The following OTUD7B variants were observed in gnomAD, a reference collection of about 807,000 sequenced individuals.
OTUD7B encodes the protein OTU domain-containing protein 7B.
OTUD7B carries 34 observed loss-of-function variants against 82.2 expected under a neutral mutation model. That is an observed-to-expected ratio of 0.41 (90% CI 0.31 to 0.55). The LOEUF is 0.55. Among genes scored for constraint, OTUD7B ranks in the 20% least tolerant of loss-of-function variants. OTUD7B has a pLI of 0.20. For synonymous variants in OTUD7B, 398 were observed against 402.7 expected (o/e 0.99, Z 0.14); for missense variants, 944 against 1,062.1 (o/e 0.89, Z 1.55).
At chr1:149,992,478 T>TG (rs1651648950) in intron 1 of OTUD7B, among the ~76,000 whole-genome samples, 47 of 1,698 alleles carry the variant, frequency 0.028, 3 homozygotes, top group Non-Finnish European at 0.2. Context: ...TTTTTTTTTT[T>TG]TTTTTTTTTT....
chr1:149,941,867 G>T lies in OTUD7B; in HGVS notation c.*1990C>A, dbSNP rs933659713. ...TAGGGGAGTGCTCATCTCATACCAG[G>T]TTCCAGACCTGCCTAGACATATACA... On this transcript the variant is annotated 3_prime_UTR_variant, in exon 12 of 12. Transcript: ENST00000581312. 2 of 151,980 alleles carry T rather than the reference G, an allele frequency of 1.3e-5. No individual in the cohort carries two copies. Among genetic ancestry groups the T allele is most frequent in the Admixed American group, 6.6e-5 (1 of 15,248 alleles). The allele number at this position is 151,980 out of a possible 1,614,324, so 9.4% of individuals were successfully genotyped here. A position where few individuals can be genotyped will look rare whatever the true frequency, so the allele number is the denominator to read the frequency against.
chr1:149,968,210 G>A (rs970693205), intron 3 of OTUD7B, among the ~76,000 whole-genome samples: 1 of 142,796 alleles, frequency 7.0e-6, no homozygotes, highest in Non-Finnish European at 1.5e-5. Flanking sequence ...GCTGCAGTGA[G>A]CCAAGATTGT....
In OTUD7B at chr1:150,007,739, G is replaced by A. The variant is rs74126210; in HGVS notation, c.-67+2709C>T. On this transcript the variant is annotated intron_variant, in intron 1 of 11. Transcript: ENST00000581312. ...ATATTAAAAAGTCAACTGAATTCAG[G>A]CATTCATGAGAAAAACTGCCCTGTA... is the stretch of plus-strand genomic sequence containing the variant. 7.5e-3 allele frequency among the ~76,000 whole-genome samples: 1,146 copies of A among 152,194 alleles called. 16 individuals carry two copies. The highest frequency in any genetic ancestry group is 0.026 in the African/African-American group (1,098 of 41,516).
chr1:149,947,298 G>A lies in OTUD7B; in HGVS notation c.1276C>T (p.His426Tyr). The A allele has an allele frequency of 6.2e-7, 1 of 1,610,464 alleles. No homozygotes were observed. The highest frequency in any genetic ancestry group is 8.5e-7 in the Non-Finnish European group (1 of 1,176,808). The change falls in exon 11 of 12, where the codon CAT (histidine) becomes TAT (tyrosine). Residue 426 changes from histidine (H) to tyrosine (Y), a missense_variant. Transcript: ENST00000581312. ...LSLEVKLHLLHSYMNVKWIPL... is the reference protein window; with the variant it reads ...LSLEVKLHLLYSYMNVKWIPL... ...ATCCACTTCACATTCATGTAGCTATGCAGCAGATGCAATTTGACCTCTAGG... is the reference window on the plus strand; with the variant it reads ...ATCCACTTCACATTCATGTAGCTATACAGCAGATGCAATTTGACCTCTAGG...
the OTUD7B span, among the ~76,000 whole-genome samples, chr1:150,042,754 C>T: frequency 1.3e-5 from 2 of 152,024 alleles, no homozygotes; most frequent in Admixed American, 6.6e-5. Context: ...ATCTTTCCCA[C>T]CACTAAGGCC....
At chr1:150,032,399 G>A in the OTUD7B span, among the ~76,000 whole-genome samples, 1 of 149,728 alleles carries the variant, frequency 6.7e-6, no homozygotes, top group Admixed American at 6.7e-5. Flanking sequence ...CGGCTAAATT[G>A]GGAGGACTGC....
intron 2 of OTUD7B, among the ~76,000 whole-genome samples, chr1:149,973,275 T>G (rs1553777935): frequency 1.3e-5 from 2 of 152,186 alleles, no homozygotes. Context: ...AACAGTCCCA[T>G]TAGCCAGGTG....
chr1:149,957,476 G>A (rs1480866348), intron 7 of OTUD7B, among the ~76,000 whole-genome samples: 3 of 148,320 alleles, frequency 2.0e-5, no homozygotes, highest in Middle Eastern at 3.5e-3. Flanking sequence ...TAGGCTACTC[G>A]GGGGTCAGGG....
chr1:150,038,105 C>T, the OTUD7B span, among the ~76,000 whole-genome samples: 3 of 151,256 alleles, frequency 2.0e-5, no homozygotes, highest in African/African-American at 7.3e-5. Context: ...GCAGTCCACC[C>T]GCCTCAGCCT....
At chr1:150,064,468 C>A in the OTUD7B span, among the ~76,000 whole-genome samples, 6 of 151,980 alleles carry the variant, frequency 3.9e-5, no homozygotes, top group African/African-American at 1.5e-4. Flanking sequence ...ATTTCCAGGG[C>A]TCAAGCAATC....
chr1:149,961,661 C>T (rs1649174043), intron 6 of OTUD7B: 1 of 152,226 alleles, frequency 6.6e-6, no homozygotes, highest in Non-Finnish European at 1.5e-5. Flanking sequence ...CCAGCATTAA[C>T]TGCTATAGAG....
the OTUD7B span, among the ~76,000 whole-genome samples, chr1:150,047,300 C>A: frequency 2.6e-5 from 4 of 152,128 alleles, no homozygotes; most frequent in Non-Finnish European, 5.9e-5. Flanking sequence ...GCTCAATGTT[C>A]ATTTTTCAGC....
chr1:150,059,096 C>A, the OTUD7B span, among the ~76,000 whole-genome samples: 4 of 146,534 alleles, frequency 2.7e-5, no homozygotes, highest in Non-Finnish European at 4.5e-5. Context: ...CTCTCTTGGC[C>A]AGGCTGGAGT....
At chr1:150,032,258 G>A in the OTUD7B span, among the ~76,000 whole-genome samples, 1 of 150,448 alleles carries the variant, frequency 6.6e-6, no homozygotes, top group East Asian at 2.0e-4. Flanking sequence ...GTTGCAGTGA[G>A]CCGAAATCCC....
upstream of OTUD7B, among the ~76,000 whole-genome samples, chr1:150,013,178 A>G (rs1653150803): frequency 6.6e-6 from 1 of 152,148 alleles, no homozygotes; most frequent in South Asian, 2.1e-4. Context: ...AGGGCCACAC[A>G]CCCTCAACTG....
chr1:149,993,232 A>G (rs1463573757), intron 1 of OTUD7B, among the ~76,000 whole-genome samples: 1 of 152,218 alleles, frequency 6.6e-6, no homozygotes. Flanking sequence ...TAGGGAGGCA[A>G]TATTTCCTCT....
At chr1:149,981,414 C>T (rs1650724288) in intron 1 of OTUD7B, among the ~76,000 whole-genome samples, 1 of 152,144 alleles carries the variant, frequency 6.6e-6, no homozygotes, top group South Asian at 2.1e-4. Context: ...TTAGAAAATG[C>T]TTTTCTAAAC....
chr1:150,002,750 A>G (rs1161011380), intron 1 of OTUD7B, among the ~76,000 whole-genome samples: 1 of 152,178 alleles, frequency 6.6e-6, no homozygotes, highest in African/African-American at 2.4e-5. Context: ...AAAATGAATG[A>G]GGAAAACTAA....
upstream of OTUD7B, among the ~76,000 whole-genome samples, chr1:150,014,064 G>GTA (rs1653195324): frequency 3.3e-5 from 1 of 30,256 alleles, no homozygotes; most frequent in Non-Finnish European, 6.8e-5. Context: ...ATATATGTGT[G>GTA]TGTGTGTGTG....
Sources: gnomAD v4.1 joint callset for allele counts (sites outside exome capture counted in the v4.1 genomes callset) on GRCh38, gnomAD v4.1.1 for gene constraint, MANE v1.5 for transcripts, NCBI Gene and HGNC (gene_info 2026-07-23, HGNC 2026-07-21) for gene names.